The following PPARGC1A variants were observed in gnomAD, a reference collection of about 807,000 sequenced individuals.
PPARGC1A encodes the protein PPARG coactivator 1 alpha.
In PPARGC1A, 25 loss-of-function variants were observed where a neutral mutation model predicts 88.7. The ratio of observed to expected loss-of-function variants is 0.28; its 90% confidence interval spans 0.21 to 0.39. The LOEUF (loss-of-function observed/expected upper bound fraction) is 0.39, where lower values mean the gene tolerates loss of function less well. PPARGC1A is among the 10% of genes least tolerant of loss of function. The probability of loss-of-function intolerance (pLI) is 1.00; values close to 1 mark genes in which losing one functional copy is unlikely to be tolerated. For synonymous variants in PPARGC1A, 363 were observed against 355.6 expected (o/e 1.02, Z -0.24); for missense variants, 880 against 968.7 (o/e 0.91, Z 1.22).
chr4:24,269,925 A>G, the PPARGC1A span, among the ~76,000 whole-genome samples: 1 of 152,200 alleles, frequency 6.6e-6, no homozygotes, highest in Non-Finnish European at 1.5e-5. Flanking sequence ...GAGATAATAC[A>G]TGTAATAATT....
At chr4:24,465,324 CTTT>C in the PPARGC1A span, among the ~76,000 whole-genome samples, 1 of 152,106 alleles carries the variant, frequency 6.6e-6, no homozygotes. Context: ...CTCCTTTCTT[CTTT>C]TTTTAAAACA....
At chr4:24,052,929 T>G in the PPARGC1A span, among the ~76,000 whole-genome samples, 2 of 143,146 alleles carry the variant, frequency 1.4e-5, no homozygotes, top group African/African-American at 5.1e-5. Context: ...AGTGGTGCTA[T>G]CTTGGCTCAC....
At chr4:24,266,277 G>C in the PPARGC1A span, among the ~76,000 whole-genome samples, 1 of 152,128 alleles carries the variant, frequency 6.6e-6, no homozygotes, top group African/African-American at 2.4e-5. Context: ...AGTTGGGTGA[G>C]CCTTGACCCT....
chr4:24,066,663 TC>T, the PPARGC1A span, among the ~76,000 whole-genome samples: 1 of 152,068 alleles, frequency 6.6e-6, no homozygotes, highest in African/African-American at 2.4e-5. Flanking sequence ...CCTGGGGTTT[TC>T]CACCAAGAAC....
chr4:24,086,173 A>C, the PPARGC1A span, among the ~76,000 whole-genome samples: 1 of 151,974 alleles, frequency 6.6e-6, no homozygotes, highest in South Asian at 2.1e-4. Flanking sequence ...GTTATTATCC[A>C]CCCCATCATC....
At chr4:24,387,838 A>AAGAGAG in the PPARGC1A span, among the ~76,000 whole-genome samples, 8,459 of 71,132 alleles carry the variant, frequency 0.12, 717 homozygotes, top group East Asian at 0.26. Context: ...GAAAGAGAGA[A>AAGAGAG]AGAGAGAGAG....
the PPARGC1A span, among the ~76,000 whole-genome samples, chr4:24,077,502 T>C: frequency 6.6e-6 from 1 of 152,040 alleles, no homozygotes; most frequent in African/African-American, 2.4e-5. Context: ...TAGCTCCAAG[T>C]AGTGTTTTTT....
the PPARGC1A span, among the ~76,000 whole-genome samples, chr4:24,252,917 T>C: frequency 3.9e-5 from 6 of 152,186 alleles, no homozygotes; most frequent in Non-Finnish European, 8.8e-5. Context: ...TGAGGACATA[T>C]CCAAATTTAT....
At chr4:24,069,760 A>G in the PPARGC1A span, among the ~76,000 whole-genome samples, 1 of 152,236 alleles carries the variant, frequency 6.6e-6, no homozygotes, top group African/African-American at 2.4e-5. Context: ...TAGCTGAGGG[A>G]GGAGGAATTT....
At chr4:24,376,037 T>A in the PPARGC1A span, among the ~76,000 whole-genome samples, 542 of 130,658 alleles carry the variant, frequency 4.1e-3, 28 homozygotes, top group East Asian at 0.092. Flanking sequence ...AAAAAAAAAA[T>A]ACTGCACACT....
At chr4:24,050,194 C>CTTT in the PPARGC1A span, among the ~76,000 whole-genome samples, 2,701 of 127,690 alleles carry the variant, frequency 0.021, 393 homozygotes, top group Non-Finnish European at 0.024. Context: ...CTTAGGTGAC[C>CTTT]TTTTGTTTTT....
the PPARGC1A span, among the ~76,000 whole-genome samples, chr4:24,157,860 C>G: frequency 3.6e-4 from 55 of 152,062 alleles, no homozygotes; most frequent in African/African-American, 1.3e-3. Context: ...ACAATTCTCC[C>G]TCTCTACTCT....
At chr4:23,805,574 GAAGAGGCA>G (rs1422228648) in intron 10 of PPARGC1A, among the ~76,000 whole-genome samples, 1 of 152,166 alleles carries the variant, frequency 6.6e-6, no homozygotes, top group African/African-American at 2.4e-5. Flanking sequence ...AGAAATGGAT[GAAGAGGCA>G]CATCCCAGAC....
At chr4:24,043,262 C>T in the PPARGC1A span, among the ~76,000 whole-genome samples, 1 of 152,178 alleles carries the variant, frequency 6.6e-6, no homozygotes, top group African/African-American at 2.4e-5. Flanking sequence ...CCATCCAATA[C>T]ACTGCTGCCA....
the PPARGC1A span, among the ~76,000 whole-genome samples, chr4:24,353,163 G>T: frequency 6.6e-6 from 1 of 151,232 alleles, no homozygotes; most frequent in African/African-American, 2.4e-5. Flanking sequence ...TGCAAAGCCA[G>T]TCCCAAGTGA....
At chr4:24,328,009 A>T in the PPARGC1A span, among the ~76,000 whole-genome samples, 1 of 151,744 alleles carries the variant, frequency 6.6e-6, no homozygotes, top group African/African-American at 2.4e-5. Context: ...GCACCTTGTG[A>T]CCCCTGCCCC....
intron 10 of PPARGC1A, among the ~76,000 whole-genome samples, chr4:23,808,150 C>A (rs1720201649): frequency 6.7e-6 from 1 of 149,912 alleles, no homozygotes; most frequent in Non-Finnish European, 1.5e-5. Flanking sequence ...ACTCGGGAGG[C>A]TGAGGCAGAA....
At chr4:24,045,011 A>C in the PPARGC1A span, among the ~76,000 whole-genome samples, 1 of 152,178 alleles carries the variant, frequency 6.6e-6, no homozygotes, top group East Asian at 1.9e-4. Flanking sequence ...AACTACCCAC[A>C]GCCAGCAGGG....
chr4:24,340,987 G>A, the PPARGC1A span, among the ~76,000 whole-genome samples: 1 of 152,080 alleles, frequency 6.6e-6, no homozygotes, highest in African/African-American at 2.4e-5. Flanking sequence ...AATCAAGGAA[G>A]CAGATTTTCA....
Sources: allele counts gnomAD v4.1 joint callset (sites outside exome capture counted in the v4.1 genomes callset), GRCh38; gene constraint gnomAD v4.1.1; transcripts MANE v1.5; gene names NCBI Gene and HGNC (gene_info 2026-07-23, HGNC 2026-07-21).